The following ZC3H12B variants were observed in gnomAD, a reference collection of about 807,000 sequenced individuals.
ZC3H12B encodes the protein zinc finger CCCH-type containing 12B.
A neutral mutation model predicts 43.9 loss-of-function variants in ZC3H12B; 7 were observed. The observed-to-expected ratio is 0.16, with a 90% confidence interval of 0.09 to 0.30. The LOEUF (loss-of-function observed/expected upper bound fraction) is 0.30. ZC3H12B is among the 10% of genes least tolerant of loss of function. The pLI is 1.00. For synonymous variants in ZC3H12B, 222 were observed against 241.7 expected (o/e 0.92, Z 0.76); for missense variants, 475 against 670.2 (o/e 0.71, Z 3.22).
chrX:65,506,943 TTCTC>T (rs2068431606), exon 5 of ZC3H12B: 1 of 111,182 alleles, frequency 9.0e-6, no homozygotes, highest in African/African-American at 3.3e-5. Flanking sequence ...CATAGCATGA[TTCTC>T]TCTCCCTCTC....
chrX:65,381,196 C>A (rs79476948), intron 2 of ZC3H12B, among the ~76,000 whole-genome samples: 1 of 110,832 alleles, frequency 9.0e-6, no homozygotes, highest in Non-Finnish European at 1.9e-5. Context: ...TGACCGCATA[C>A]GTGGAAGTAA....
At chrX:65,067,169 C>G in the ZC3H12B span, among the ~76,000 whole-genome samples, 1 of 103,491 alleles carries the variant, frequency 9.7e-6, no homozygotes, top group Non-Finnish European at 1.9e-5. Context: ...CGCTGGGGTT[C>G]CAGGGGCCAC....
the ZC3H12B span, among the ~76,000 whole-genome samples, chrX:65,212,677 T>TTATATATCATA: frequency 2.2e-5 from 2 of 90,274 alleles, no homozygotes; most frequent in Admixed American, 2.9e-4. Flanking sequence ...TATATATGAT[T>TTATATATCATA]TATATATCAT....
chrX:65,222,456 C>A, the ZC3H12B span, among the ~76,000 whole-genome samples: 1 of 110,195 alleles, frequency 9.1e-6, no homozygotes, highest in Admixed American at 9.8e-5. Context: ...AAAGACTTAT[C>A]CAAAAAGCTT....
chrX:65,406,565 A>AGCGGGGCTG (rs1569396749), intron 3 of ZC3H12B, among the ~76,000 whole-genome samples: 2,384 of 48,549 alleles, frequency 0.049, 173 homozygotes, highest in African/African-American at 0.29. Context: ...ATCGGGGCTG[A>AGCGGGGCTG]ACGGGGCTGG....
chrX:65,453,383 T>C (rs1375129501), intron 3 of ZC3H12B, among the ~76,000 whole-genome samples: 1 of 84,898 alleles, frequency 1.2e-5, no homozygotes. Context: ...TATATATATA[T>C]ATATATATAT....
chrX:65,484,557 G>A (rs1455267065), upstream of ZC3H12B, among the ~76,000 whole-genome samples: 1 of 111,848 alleles, frequency 8.9e-6, no homozygotes, highest in East Asian at 2.8e-4. Flanking sequence ...ATTGCTATAA[G>A]TGGCGGGAAG....
chrX:65,374,057 A>AAC, intron 2 of ZC3H12B, among the ~76,000 whole-genome samples: 1 of 62,364 alleles, frequency 1.6e-5, no homozygotes, highest in Non-Finnish European at 2.7e-5. Context: ...ATATATAACT[A>AAC]TATATATACA....
intron 3 of ZC3H12B, among the ~76,000 whole-genome samples, chrX:65,425,354 A>G (rs984178124): frequency 1.8e-5 from 2 of 111,569 alleles, no homozygotes; most frequent in African/African-American, 3.3e-5. Context: ...TCTCAGCTTA[A>G]GAAGCTTTTG....
At chrX:65,320,452 A>G in the ZC3H12B span, among the ~76,000 whole-genome samples, 1 of 112,213 alleles carries the variant, frequency 8.9e-6, no homozygotes, top group Non-Finnish European at 1.9e-5. Context: ...AATCAATATC[A>G]TTACAATGGA....
chrX:65,272,270 T>TAAAAAAAAAACA, the ZC3H12B span: 19 of 78,154 alleles, frequency 2.4e-4, no homozygotes, highest in African/African-American at 1.4e-3. Flanking sequence ...CTAAATTTAG[T>TAAAAAAAAAACA]AAAAAAAAAA....
chrX:65,499,904 A>G, exon 4 of ZC3H12B: 1 of 1,211,454 alleles, frequency 8.3e-7, no homozygotes, highest in Non-Finnish European at 1.1e-6. Flanking sequence ...CAGATGATCC[A>G]TTAGGACGCC....
At chrX:65,115,741 A>G in the ZC3H12B span, among the ~76,000 whole-genome samples, 1 of 111,187 alleles carries the variant, frequency 9.0e-6, no homozygotes, top group South Asian at 3.8e-4. Context: ...TTTGATAATG[A>G]CCATTCCTGC....
At chrX:65,268,235 C>T in the ZC3H12B span, among the ~76,000 whole-genome samples, 16 of 112,096 alleles carry the variant, frequency 1.4e-4, no homozygotes, top group Admixed American at 2.8e-4. Context: ...AAAGCTCAAA[C>T]ATGTCAATAA....
the ZC3H12B span, among the ~76,000 whole-genome samples, chrX:65,176,113 G>A: frequency 1.8e-5 from 2 of 111,997 alleles, no homozygotes; most frequent in Non-Finnish European, 3.8e-5. Flanking sequence ...CCACACCCAC[G>A]GAGCCCAGCA....
the ZC3H12B span, among the ~76,000 whole-genome samples, chrX:65,084,167 A>T: frequency 1.8e-5 from 2 of 112,106 alleles, no homozygotes; most frequent in Non-Finnish European, 3.8e-5. Flanking sequence ...ACAAGAAAAC[A>T]TTGGAGAAAA....
chrX:65,303,786 T>C, the ZC3H12B span, among the ~76,000 whole-genome samples: 1 of 112,354 alleles, frequency 8.9e-6, no homozygotes, highest in African/African-American at 3.2e-5. Context: ...GTCAATACTG[T>C]TTACAATAGC....
the ZC3H12B span, among the ~76,000 whole-genome samples, chrX:65,070,176 T>C: frequency 1.8e-5 from 2 of 111,054 alleles, no homozygotes; most frequent in Admixed American, 9.6e-5. Flanking sequence ...CTTGTGAGGT[T>C]GTATGTGTTC....
intron 3 of ZC3H12B, chrX:65,499,447 A>C: frequency 2.6e-6 from 1 of 383,260 alleles, no homozygotes; most frequent in South Asian, 6.0e-5. Context: ...TAAGAGCTAC[A>C]GTTAAAATTT....
Sources: gnomAD v4.1 joint callset for allele counts (sites outside exome capture counted in the v4.1 genomes callset) on GRCh38, gnomAD v4.1.1 for gene constraint, MANE v1.5 for transcripts, NCBI Gene and HGNC (gene_info 2026-07-23, HGNC 2026-07-21) for gene names.